The following ROR1 variants were observed in gnomAD, a reference collection of about 807,000 sequenced individuals.
ROR1 encodes the protein ROR family WNT receptor 1.
Under a neutral mutation model 78.8 loss-of-function variants are expected in ROR1, and 19 were observed. The ratio of observed to expected loss-of-function variants is 0.24; its 90% CI spans 0.17 to 0.35. The LOEUF is 0.35. Ranked by LOEUF, ROR1 falls within the 10% of genes least tolerant of loss-of-function variation. The pLI is 1.00. For synonymous variants in ROR1, 386 were observed against 433.6 expected, an observed-to-expected ratio of 0.89 and a Z score of 1.36; for missense variants, 917 against 1,177.8, an observed-to-expected ratio of 0.78 and a Z score of 3.24.
chr1:64,156,968 C>T (rs1649793183), intron 7 of ROR1, among the ~76,000 whole-genome samples: 1 of 152,136 alleles, frequency 6.6e-6, no homozygotes, highest in Non-Finnish European at 1.5e-5. Context: ...ACTTACTTAA[C>T]CACTCTGTCT....
chr1:63,775,063 C>T (rs1037999396), intron 1 of ROR1, among the ~76,000 whole-genome samples: 5 of 152,146 alleles, frequency 3.3e-5, no homozygotes, highest in African/African-American at 9.6e-5. Context: ...CTCCGGCCCT[C>T]CCGAGAGTCA....
intron 4 of ROR1, among the ~76,000 whole-genome samples, chr1:64,121,375 C>A (rs1648537220): frequency 6.6e-6 from 1 of 151,978 alleles, no homozygotes; most frequent in Non-Finnish European, 1.5e-5. Context: ...GCTGTGGTCT[C>A]CAGCTGGTGG....
chr1:63,871,104 G>T (rs1292832143), intron 1 of ROR1, among the ~76,000 whole-genome samples: 1 of 152,176 alleles, frequency 6.6e-6, no homozygotes, highest in East Asian at 1.9e-4. Context: ...CAATAAATGT[G>T]AAATGTTATG....
intron 1 of ROR1, among the ~76,000 whole-genome samples, chr1:63,810,765 G>C (rs1169065565): frequency 6.6e-6 from 1 of 152,210 alleles, no homozygotes; most frequent in Non-Finnish European, 1.5e-5. Flanking sequence ...TGGAACACGG[G>C]TTTTGGGAGG....
chr1:64,021,991 C>A (rs1646568765), intron 2 of ROR1, among the ~76,000 whole-genome samples: 1 of 152,054 alleles, frequency 6.6e-6, no homozygotes, highest in Non-Finnish European at 1.5e-5. Context: ...TGGAAGCAGC[C>A]TAAATGTCCA....
chr1:64,175,066 T>A (rs1650342487), intron 8 of ROR1, among the ~76,000 whole-genome samples: 1 of 151,092 alleles, frequency 6.6e-6, no homozygotes, highest in Admixed American at 6.6e-5. Context: ...ATAAATTAAA[T>A]AGTTATTTAA....
chr1:63,871,714 T>C (rs1460161338), intron 1 of ROR1, among the ~76,000 whole-genome samples: 1 of 152,170 alleles, frequency 6.6e-6, no homozygotes, highest in Admixed American at 6.5e-5. Flanking sequence ...GATTTTGACA[T>C]TGCAACAAGG....
At chr1:63,920,352 G>A (rs1645644169) in intron 1 of ROR1, among the ~76,000 whole-genome samples, 1 of 152,200 alleles carries the variant, frequency 6.6e-6, no homozygotes, top group Non-Finnish European at 1.5e-5. Context: ...GATGGGTAAG[G>A]AAAGAATAGC....
chr1:64,093,141 C>T (rs1647217527), intron 4 of ROR1, among the ~76,000 whole-genome samples: 1 of 152,120 alleles, frequency 6.6e-6, no homozygotes, highest in Non-Finnish European at 1.5e-5. Flanking sequence ...ATGACATTTC[C>T]TATATTATAT....
At chr1:63,775,131 C>T (rs1350298358) in intron 1 of ROR1, among the ~76,000 whole-genome samples, 1 of 152,176 alleles carries the variant, frequency 6.6e-6, no homozygotes, top group Non-Finnish European at 1.5e-5. Context: ...GCAAAATGTG[C>T]TGTCAGAGGC....
At chr1:63,805,582 G>T (rs1238832582) in intron 1 of ROR1, among the ~76,000 whole-genome samples, 1 of 152,194 alleles carries the variant, frequency 6.6e-6, no homozygotes, top group African/African-American at 2.4e-5. Flanking sequence ...CTCTGTTCTT[G>T]TATCTTTTTT....
Position 64,177,972 on chromosome 1 carries a change from A to G in ROR1, c.1931A>G (p.Asp644Gly). The change falls in exon 9 of 9, where the codon GAT becomes GGT. Residue 644 changes from aspartate to glycine, a missense_variant. By Grantham distance (94) the Asp-to-Gly change is moderately conservative. Coordinates refer to ENST00000371079, the MANE Select transcript of ROR1 (RefSeq NM_005012.4). ...CTTTCCAGAGAAATTTACTCCGCTG[A>G]TTACTACAGGGTCCAGAGTAAGTCC... Reference protein sequence around the residue: ...LGLSREIYSADYYRVQSKSLL... With the variant: ...LGLSREIYSAGYYRVQSKSLL... 1 of 1,614,226 alleles carries G rather than the reference A, an allele frequency of 6.2e-7. No homozygotes were observed. The highest frequency in any genetic ancestry group is 8.5e-7 in the Non-Finnish European group (1 of 1,180,040).
chr1:63,784,238 A>G (rs377682690), intron 1 of ROR1, among the ~76,000 whole-genome samples: 65 of 152,316 alleles, frequency 4.3e-4, no homozygotes, highest in African/African-American at 1.4e-3. Context: ...AAAAGTAGGC[A>G]GGTGAGTTTG....
intron 4 of ROR1, among the ~76,000 whole-genome samples, chr1:64,101,391 T>C (rs1647535050): frequency 6.6e-6 from 1 of 152,100 alleles, no homozygotes; most frequent in Non-Finnish European, 1.5e-5. Context: ...GATATGGACA[T>C]GTGGAATTGA....
At chr1:63,951,715 C>G (rs553295989) in intron 1 of ROR1, among the ~76,000 whole-genome samples, 31 of 152,160 alleles carry the variant, frequency 2.0e-4, no homozygotes, top group Admixed American at 9.2e-4. Context: ...GACACCCCCC[C>G]CTCACCACCA....
At chr1:63,896,867 C>T (rs368387959) in intron 1 of ROR1, among the ~76,000 whole-genome samples, 3 of 152,256 alleles carry the variant, frequency 2.0e-5, no homozygotes, top group South Asian at 2.1e-4. Flanking sequence ...GACCAGAGTT[C>T]GAGTTCTGAC....
At chr1:64,014,158 C>A (rs1000307748) in intron 2 of ROR1, among the ~76,000 whole-genome samples, 1 of 152,146 alleles carries the variant, frequency 6.6e-6, no homozygotes, top group African/African-American at 2.4e-5. Flanking sequence ...AGTTCCCTCA[C>A]GTGGAGAAGC....
At chr1:64,039,584 T>C (rs1646730350) in intron 2 of ROR1, among the ~76,000 whole-genome samples, 2 of 152,226 alleles carry the variant, frequency 1.3e-5, no homozygotes, top group African/African-American at 4.8e-5. Context: ...CACAGGGCTC[T>C]CTACCAGAGC....
At chr1:63,801,624 A>G (rs1261701089) in intron 1 of ROR1, among the ~76,000 whole-genome samples, 1 of 152,136 alleles carries the variant, frequency 6.6e-6, no homozygotes, top group African/African-American at 2.4e-5. Context: ...AACACCACTG[A>G]ATCACTTATA....
Sources: allele counts gnomAD v4.1 joint callset (sites outside exome capture counted in the v4.1 genomes callset), GRCh38; gene constraint gnomAD v4.1.1; transcripts MANE v1.5; gene names NCBI Gene and HGNC (gene_info 2026-07-23, HGNC 2026-07-21).